The following RNF182 variants were observed in gnomAD, a reference collection of about 807,000 sequenced individuals.
RNF182 encodes E3 ubiquitin-protein ligase RNF182.
Under a neutral mutation model 14.4 loss-of-function variants are expected in RNF182, and 15 were observed. The observed-to-expected ratio is 1.04, with a 90% CI of 0.70 to 1.60. The LOEUF (loss-of-function observed/expected upper bound fraction) is 1.60, where lower values mean the gene tolerates loss of function less well. Ranked by LOEUF, RNF182 falls within the 40% of genes most tolerant of loss-of-function variation. The probability of loss-of-function intolerance (pLI) is 0.00; values close to 1 mark genes in which losing one functional copy is unlikely to be tolerated. For synonymous variants in RNF182, 128 were observed against 122.9 expected, an observed-to-expected ratio of 1.04 and a Z score of -0.27; for missense variants, 268 against 294.8, an observed-to-expected ratio of 0.91 and a Z score of 0.67.
At chr6:13,943,320 C>T (rs190479667) in intron 1 of RNF182, among the ~76,000 whole-genome samples, 2 of 151,194 alleles carry the variant, frequency 1.3e-5, no homozygotes, top group African/African-American at 2.4e-5. Context: ...AGGGTCTCAC[C>T]GTGTTGTCCA....
chr6:13,961,856 A>G (rs570484312), intron 1 of RNF182, among the ~76,000 whole-genome samples: 1 of 152,236 alleles, frequency 6.6e-6, no homozygotes, highest in South Asian at 2.1e-4. Flanking sequence ...ATTAGGGGTT[A>G]TGGGTATTGT....
chr6:13,935,580 G>C (rs1409084209), intron 1 of RNF182, among the ~76,000 whole-genome samples: 1 of 152,188 alleles, frequency 6.6e-6, no homozygotes, highest in African/African-American at 2.4e-5. Flanking sequence ...TTAATAAGTA[G>C]AAGATGTTTT....
At chr6:13,957,738 A>G (rs1759765308) in intron 1 of RNF182, among the ~76,000 whole-genome samples, 1 of 152,350 alleles carries the variant, frequency 6.6e-6, no homozygotes, top group East Asian at 1.9e-4. Context: ...TTTTTAGAAC[A>G]CTGTGAATAC....
intron 1 of RNF182, among the ~76,000 whole-genome samples, chr6:13,941,004 A>G (rs1759284502): frequency 6.6e-6 from 1 of 152,036 alleles, no homozygotes; most frequent in South Asian, 2.1e-4. Context: ...GCTGAGTGAT[A>G]GACATGCACT....
At chr6:13,962,823 T>A (rs1430032171) in intron 1 of RNF182, among the ~76,000 whole-genome samples, 1 of 152,204 alleles carries the variant, frequency 6.6e-6, no homozygotes. Flanking sequence ...TCTATAAGAA[T>A]GATTCAGGCT....
chr6:13,925,786 G>A (rs538559813), intron 1 of RNF182, among the ~76,000 whole-genome samples: 123 of 152,208 alleles, frequency 8.1e-4, no homozygotes, highest in African/African-American at 2.8e-3. Context: ...ACCTCTGGAG[G>A]CAGGTAGCTG....
intron 1 of RNF182, among the ~76,000 whole-genome samples, chr6:13,952,128 A>C (rs1246248796): frequency 6.6e-6 from 1 of 152,142 alleles, no homozygotes; most frequent in Non-Finnish European, 1.5e-5. Context: ...AGGAAAGGGA[A>C]GGGCGAAAAG....
intron 1 of RNF182, 28 bp downstream of exon 1, chr6:13,925,051 AG>A (rs1379654864): frequency 1.1e-3 from 1 of 890 alleles, no homozygotes; most frequent in African/African-American, 6.6e-3. Flanking sequence ...GCGGCCGGGG[AG>A]GGGTCGGCGG....
At chr6:13,931,161 GAGAC>G (rs775053782) in intron 1 of RNF182, among the ~76,000 whole-genome samples, 3 of 152,136 alleles carry the variant, frequency 2.0e-5, no homozygotes, top group South Asian at 4.1e-4. Flanking sequence ...AGAGTAGAAA[GAGAC>G]AGAGAACCCC....
intron 1 of RNF182, among the ~76,000 whole-genome samples, chr6:13,952,106 GGA>G (rs890545192): frequency 2.6e-5 from 4 of 151,650 alleles, no homozygotes; most frequent in African/African-American, 7.3e-5. Flanking sequence ...TAAAGAGACA[GGA>G]GAGAGAGAGA....
chr6:13,957,033 C>T (rs915154502), intron 1 of RNF182, among the ~76,000 whole-genome samples: 8 of 152,146 alleles, frequency 5.3e-5, no homozygotes, highest in Admixed American at 3.3e-4. Flanking sequence ...GTTTCCACAC[C>T]AAGGAATCTG....
intron 1 of RNF182, among the ~76,000 whole-genome samples, chr6:13,926,537 T>C (rs897742158): frequency 3.3e-5 from 5 of 152,228 alleles, no homozygotes; most frequent in Admixed American, 2.0e-4. Context: ...GGCTTGTTTT[T>C]AAACTGAATT....
At chr6:13,935,483 A>C (rs1759084761) in intron 1 of RNF182, among the ~76,000 whole-genome samples, 1 of 152,204 alleles carries the variant, frequency 6.6e-6, no homozygotes, top group Non-Finnish European at 1.5e-5. Flanking sequence ...TAAAGTCAGA[A>C]TATCAAGGCC....
At chr6:13,940,064 A>G (rs1233691634) in intron 1 of RNF182, among the ~76,000 whole-genome samples, 1 of 152,194 alleles carries the variant, frequency 6.6e-6, no homozygotes, top group Non-Finnish European at 1.5e-5. Flanking sequence ...TTGAATAGAA[A>G]TGGTGATAGC....
chr6:13,938,070 C>G (rs1004022943), intron 1 of RNF182, among the ~76,000 whole-genome samples: 1 of 144,182 alleles, frequency 6.9e-6, no homozygotes, highest in South Asian at 2.2e-4. Flanking sequence ...GTGCAGTCTC[C>G]GCTCACTGCA....
chr6:13,938,013 T>G (rs1477822274), intron 1 of RNF182, among the ~76,000 whole-genome samples: 4 of 140,728 alleles, frequency 2.8e-5, no homozygotes, highest in Non-Finnish European at 6.2e-5. Context: ...TGTTTTTTTT[T>G]TTTTTTTTTT....
chr6:13,949,274 C>T (rs1309074235), intron 1 of RNF182: 1 of 780,244 alleles, frequency 1.3e-6, no homozygotes, highest in Non-Finnish European at 2.4e-6. Context: ...TGCTCCCAGA[C>T]TTACCACATC....
intron 1 of RNF182, among the ~76,000 whole-genome samples, chr6:13,953,828 A>G (rs1436305921): frequency 2.6e-5 from 4 of 152,100 alleles, no homozygotes; most frequent in Non-Finnish European, 4.4e-5. Flanking sequence ...TCTAGACTGT[A>G]TATTTCTTGA....
chr6:13,948,235 T>A (rs969483448), intron 1 of RNF182, among the ~76,000 whole-genome samples: 2 of 152,186 alleles, frequency 1.3e-5, no homozygotes, highest in African/African-American at 4.8e-5. Context: ...TCCTGCTTTA[T>A]AAGAGTACTT....
Sources: allele counts gnomAD v4.1 joint callset (sites outside exome capture counted in the v4.1 genomes callset), GRCh38; gene constraint gnomAD v4.1.1; transcripts MANE v1.5; gene names NCBI Gene and HGNC (gene_info 2026-07-23, HGNC 2026-07-21).